Variants in ROBO2 observed in about 807,000 individuals in gnomAD.
The protein encoded by ROBO2 is roundabout guidance receptor 2, also known as roundabout homolog 2.
ROBO2 carries 53 observed loss-of-function variants against 160.8 expected under a neutral mutation model. The observed-to-expected ratio is 0.33, with a 90% CI of 0.26 to 0.41. The LOEUF (loss-of-function observed/expected upper bound fraction) is 0.41, where lower values mean the gene tolerates loss of function less well. Among genes scored for constraint, ROBO2 ranks in the 10% least tolerant of loss-of-function variants. ROBO2 has a pLI of 1.00. For missense variants in ROBO2, 1,577 were observed against 1,722.4 expected (o/e 0.92, Z 1.49); for synonymous variants, 664 against 611.7 (o/e 1.09, Z -1.26).
chr3:76,714,507 A>C (rs1453192421), intron 2 of ROBO2, among the ~76,000 whole-genome samples: 1 of 152,188 alleles, frequency 6.6e-6, no homozygotes, highest in African/African-American at 2.4e-5. Context: ...GACACATAGC[A>C]AAAGGCATCA....
At chr3:77,600,737 T>C (rs898809627) in intron 19 of ROBO2, among the ~76,000 whole-genome samples, 2 of 152,150 alleles carry the variant, frequency 1.3e-5, no homozygotes, top group Non-Finnish European at 2.9e-5. Flanking sequence ...ATATACTACA[T>C]ATTAAAAGTT....
At chr3:77,565,566 A>G (rs1022232588) in intron 12 of ROBO2, among the ~76,000 whole-genome samples, 47 of 152,102 alleles carry the variant, frequency 3.1e-4, no homozygotes, top group African/African-American at 1.1e-3. Context: ...CAGCATCTGC[A>G]TAGCCTGCAA....
intron 2 of ROBO2, among the ~76,000 whole-genome samples, chr3:76,502,621 A>T (rs905317073): frequency 1.3e-5 from 2 of 152,158 alleles, no homozygotes; most frequent in African/African-American, 4.8e-5. Flanking sequence ...GTACGTATTT[A>T]TGGGCTTCAT....
At chr3:77,027,063 T>G (rs933331537) in intron 2 of ROBO2, among the ~76,000 whole-genome samples, 6 of 152,188 alleles carry the variant, frequency 3.9e-5, no homozygotes, top group Non-Finnish European at 8.8e-5. Flanking sequence ...CTAAATTACA[T>G]CAGCAGTGAA....
At chr3:76,872,382 C>T (rs928289675) in intron 2 of ROBO2, among the ~76,000 whole-genome samples, 11 of 151,274 alleles carry the variant, frequency 7.3e-5, no homozygotes, top group Non-Finnish European at 1.6e-4. Context: ...ATCCATAACC[C>T]TAACACTCAA....
intron 2 of ROBO2, among the ~76,000 whole-genome samples, chr3:76,150,674 G>C (rs940338823): frequency 2.6e-5 from 4 of 152,046 alleles, no homozygotes; most frequent in African/African-American, 9.7e-5. Context: ...CACATCATCA[G>C]GGAGACCTTC....
intron 2 of ROBO2, among the ~76,000 whole-genome samples, chr3:76,107,768 G>A (rs377098160): frequency 2.0e-5 from 3 of 151,802 alleles, no homozygotes; most frequent in East Asian, 1.9e-4. Flanking sequence ...GGTCACTAAC[G>A]GTTTCTGTTA....
intron 23 of ROBO2, chr3:77,629,858 C>A (rs2095120277): frequency 1.3e-5 from 2 of 152,058 alleles, no homozygotes; most frequent in Admixed American, 1.3e-4. Flanking sequence ...TATTGAATTT[C>A]TAATGTACAA....
At chr3:77,515,733 AG>A (rs2089945447) in intron 5 of ROBO2, among the ~76,000 whole-genome samples, 1 of 151,706 alleles carries the variant, frequency 6.6e-6, no homozygotes. Flanking sequence ...CTTGGTAAAA[AG>A]CTGGGTAAAA....
chr3:76,990,755 T>A (rs2060620573), intron 2 of ROBO2, among the ~76,000 whole-genome samples: 1 of 152,122 alleles, frequency 6.6e-6, no homozygotes, highest in African/African-American at 2.4e-5. Context: ...CCTGATGAGA[T>A]CTCAGGAGTT....
intron 2 of ROBO2, among the ~76,000 whole-genome samples, chr3:76,052,456 A>G (rs2067686794): frequency 6.6e-6 from 1 of 151,944 alleles, no homozygotes. Context: ...ATGGAATTTC[A>G]TACCCCAATT....
At chr3:77,169,021 GA>G (rs1401457400) in intron 2 of ROBO2, among the ~76,000 whole-genome samples, 2 of 152,162 alleles carry the variant, frequency 1.3e-5, no homozygotes, top group African/African-American at 4.8e-5. Flanking sequence ...AGTGTCTAAA[GA>G]AGAAGACTTA....
intron 2 of ROBO2, among the ~76,000 whole-genome samples, chr3:76,291,903 C>CA (rs1463532273): frequency 6.8e-6 from 1 of 146,574 alleles, no homozygotes; most frequent in Non-Finnish European, 1.5e-5. Context: ...TTTTTTTTTT[C>CA]AATTTGTTGA....
rs186595623 is a variant in ROBO2, at chr3:77,554,883, T to C, written c.1232-3061T>C. ...AAAGCAACATCAGAGTTTGAGAGGA[T>C]TGTCTCCAAATTTGAAAGACATTTT... On this transcript the variant is annotated intron_variant, in intron 8 of 25. Transcript: ENST00000461745. Among the ~76,000 whole-genome samples, 1,032 of 152,108 alleles carry C rather than the reference T, an allele frequency of 6.8e-3. 9 individuals carry two copies. The highest frequency in any genetic ancestry group is 8.1e-3 in the Non-Finnish European group (552 of 67,954).
chr3:76,691,282 C>T (rs546040225), intron 2 of ROBO2, among the ~76,000 whole-genome samples: 66 of 152,156 alleles, frequency 4.3e-4, no homozygotes, highest in African/African-American at 1.5e-3. Context: ...CAAGAAGGCC[C>T]TCACAAGATG....
rs140143272 is a variant in ROBO2 at position 77,284,296 on chromosome 3, T to C, written c.388+185956T>C. 2.8e-3 allele frequency among the ~76,000 whole-genome samples: 422 copies of C among 152,298 alleles called. 1 individual carries two copies. The highest frequency in any genetic ancestry group is 9.6e-3 in the African/African-American group (401 of 41,562). On this transcript the variant is annotated intron_variant, in intron 2 of 25. Transcript: ENST00000461745. ...CTAACCCTGATGTGCTAGCACATGTTATAACCTTGGGTAAGTTTTCTTAAG... is the reference window on the plus strand; with the variant it reads ...CTAACCCTGATGTGCTAGCACATGTCATAACCTTGGGTAAGTTTTCTTAAG...
chr3:77,365,683 C>CTT (rs2070756617), intron 2 of ROBO2, among the ~76,000 whole-genome samples: 1 of 152,112 alleles, frequency 6.6e-6, no homozygotes, highest in African/African-American at 2.4e-5. Flanking sequence ...CTTGGCAAAC[C>CTT]GTTCACATAG....
chr3:76,311,601 T>C (rs1024779286), intron 2 of ROBO2, among the ~76,000 whole-genome samples: 2 of 152,230 alleles, frequency 1.3e-5, no homozygotes, highest in African/African-American at 4.8e-5. Context: ...TATCAATATA[T>C]TTTTGCAATG....
At chr3:76,644,440 C>T (rs1006800433) in intron 2 of ROBO2, among the ~76,000 whole-genome samples, 1 of 152,170 alleles carries the variant, frequency 6.6e-6, no homozygotes, top group Non-Finnish European at 1.5e-5. Context: ...TCTGCCACAG[C>T]TCTATCTTGC....
Sources: allele counts gnomAD v4.1 joint callset (sites outside exome capture counted in the v4.1 genomes callset), GRCh38; gene constraint gnomAD v4.1.1; transcripts MANE v1.5; gene names NCBI Gene and HGNC (gene_info 2026-07-23, HGNC 2026-07-21).